WDFY4: variants seen among roughly 807,000 people sequenced by gnomAD.
The protein encoded by WDFY4 is WD repeat- and FYVE domain-containing protein 4.
In WDFY4, 169 loss-of-function variants were observed where a neutral mutation model predicts 351.9. The ratio of observed to expected loss-of-function variants is 0.48; its 90% CI spans 0.42 to 0.55. WDFY4 has a LOEUF of 0.55. Ranked by LOEUF, WDFY4 falls within the 20% of genes least tolerant of loss-of-function variation. The pLI is 0.00. For missense variants in WDFY4, 3,803 were observed against 3,935.6 expected (o/e 0.97, Z 0.90); for synonymous variants, 1,622 against 1,574.6 (o/e 1.03, Z -0.71).
At chr10:48,890,857 G>T (rs2070666792) in intron 44 of WDFY4, 130 bp downstream of exon 44, 3 of 1,325,796 alleles carry the variant, frequency 2.3e-6, no homozygotes, top group Non-Finnish European at 2.1e-6. Context: ...TGAGCCATGA[G>T]ATAAAACAGA....
chr10:48,901,718 C>T (rs1049634343), intron 46 of WDFY4, 83 bp from the exon 47 acceptor site: 11 of 1,447,688 alleles, frequency 7.6e-6, no homozygotes, highest in South Asian at 3.7e-5. Context: ...GCCTAGCTTC[C>T]TGCCTGACTC....
intron 49 of WDFY4, among the ~76,000 whole-genome samples, chr10:48,945,835 C>A (rs1009399959): frequency 6.6e-6 from 1 of 152,222 alleles, no homozygotes; most frequent in African/African-American, 2.4e-5. Flanking sequence ...TCTTCCCCTC[C>A]TCTTATTTTT....
At chr10:48,783,090 A>G (rs2066280954) in intron 19 of WDFY4, among the ~76,000 whole-genome samples, 1 of 152,124 alleles carries the variant, frequency 6.6e-6, no homozygotes, top group South Asian at 2.1e-4. Flanking sequence ...GAAAAAGAAT[A>G]TTTCTGAAAT....
chr10:48,748,412 G>A (rs1037216945), intron 12 of WDFY4, among the ~76,000 whole-genome samples: 7 of 152,054 alleles, frequency 4.6e-5, no homozygotes, highest in Non-Finnish European at 8.8e-5. Flanking sequence ...TTGAACCCAG[G>A]GCTACCTCCA....
intron 38 of WDFY4, among the ~76,000 whole-genome samples, chr10:48,831,675 A>G (rs1350994165): frequency 2.6e-5 from 4 of 152,212 alleles, no homozygotes; most frequent in African/African-American, 9.6e-5. Flanking sequence ...ATTTACAAAT[A>G]ATAGAAATTT....
At chr10:48,724,108 C>T (rs554844510) in intron 5 of WDFY4, among the ~76,000 whole-genome samples, 40 of 152,256 alleles carry the variant, frequency 2.6e-4, no homozygotes, top group Non-Finnish European at 4.3e-4. Flanking sequence ...TGCCCACTTC[C>T]GGGCAGTTTC....
chr10:48,709,001 A>G (rs1179123570), intron 1 of WDFY4, among the ~76,000 whole-genome samples: 2 of 137,114 alleles, frequency 1.5e-5, no homozygotes, highest in African/African-American at 5.7e-5. Context: ...AAAACAAACA[A>G]ACAACACCCC....
Position 48,713,465 on chromosome 10 carries a change from G to A in WDFY4, c.234+3499G>A, listed in dbSNP as rs1385826182. Among the ~76,000 whole-genome samples the A allele has an allele frequency of 2.6e-5, 4 of 152,260 alleles. 1 individual carries two copies. Among genetic ancestry groups the A allele is most frequent in the Non-Finnish European group, 5.9e-5 (4 of 68,050 alleles). Reference sequence around the variant, plus strand: ...TGAATCTGCAGTAACTGCTAGGCAAGTACAAAGGTGGGCTTGGTTTGTGGT... The same window carrying A: ...TGAATCTGCAGTAACTGCTAGGCAAATACAAAGGTGGGCTTGGTTTGTGGT... On this transcript the variant is annotated intron_variant, in intron 2 of 61. Coordinates refer to ENST00000325239, the MANE Select transcript of WDFY4 (RefSeq NM_001394531.1).
At chr10:48,904,998 G>A (rs1379796447) in intron 47 of WDFY4, among the ~76,000 whole-genome samples, 1 of 152,230 alleles carries the variant, frequency 6.6e-6, no homozygotes, top group African/African-American at 2.4e-5. Flanking sequence ...ATGGGCTGCA[G>A]ATGGTTTTCT....
chr10:48,863,075 C>A (rs911871975), intron 39 of WDFY4, among the ~76,000 whole-genome samples: 3 of 151,996 alleles, frequency 2.0e-5, no homozygotes, highest in African/African-American at 7.2e-5. Context: ...TATAGACAGA[C>A]CATATTTTGT....
intron 60 of WDFY4, 113 bp from the exon 61 acceptor site, chr10:48,981,254 C>A: frequency 1.2e-6 from 1 of 864,430 alleles, no homozygotes; most frequent in East Asian, 2.7e-5. Flanking sequence ...TAACAAGTTG[C>A]TGACCACAAA....
chr10:48,963,904 C>T lies in WDFY4; in HGVS notation c.8286C>T (p.Tyr2762=), dbSNP rs41283297. 45,866 of 1,551,446 alleles carry T rather than the reference C, an allele frequency of 0.03. 781 individuals carry two copies. The highest frequency in any genetic ancestry group is 0.055 in the Middle Eastern group (325 of 5,914). Residue 2762 remains tyrosine, a synonymous_variant, in exon 54 of 62, where the codon TAC becomes TAT. Coordinates refer to ENST00000325239, the MANE Select transcript of WDFY4 (RefSeq NM_001394531.1). The stretch of plus-strand genomic sequence containing the variant: ...ATTGGATAGACCTTATTTTTGGGTA[C>T]AAGCAGCAGGGGCCAGCCGCAGTGG... ...LHHWIDLIFG[Y]KQQGPAAVDA...
At chr10:48,948,096 A>G (rs1186147275) in intron 51 of WDFY4, among the ~76,000 whole-genome samples, 1 of 152,204 alleles carries the variant, frequency 6.6e-6, no homozygotes, top group Non-Finnish European at 1.5e-5. Flanking sequence ...GCCCTGGGGC[A>G]GGAATGGGTA....
chr10:48,881,917 C>T (rs1673479388), intron 43 of WDFY4, among the ~76,000 whole-genome samples: 1 of 152,232 alleles, frequency 6.6e-6, no homozygotes, highest in South Asian at 2.1e-4. Flanking sequence ...GATCCATCCC[C>T]TGGGCCTACC....
rs557396992 is a variant in WDFY4 at position 48,699,448 on chromosome 10, T to C, written c.-17-10268T>C. 4.6e-5 allele frequency among the ~76,000 whole-genome samples: 7 copies of C among 152,288 alleles called. No individual in the cohort carries two copies. In the South Asian group the frequency reaches 1.0e-3, roughly 23 times the overall value. On this transcript the variant is annotated intron_variant, in intron 1 of 61. Coordinates refer to ENST00000325239, the MANE Select transcript of WDFY4 (RefSeq NM_001394531.1). ...ATACATCACCGATGTGGGCAAGGACTTTCCCCACAGTGGAGAGTGGGGAGA... is the reference window on the plus strand; with the variant it reads ...ATACATCACCGATGTGGGCAAGGACCTTCCCCACAGTGGAGAGTGGGGAGA...
intron 40 of WDFY4, among the ~76,000 whole-genome samples, chr10:48,869,826 T>C (rs975642143): frequency 2.6e-5 from 4 of 152,206 alleles, no homozygotes; most frequent in Non-Finnish European, 1.5e-5. Context: ...CCCACTCTCT[T>C]CTAGGGCCTC....
At chr10:48,759,940 G>A (rs1367326913) in intron 12 of WDFY4, among the ~76,000 whole-genome samples, 1 of 152,154 alleles carries the variant, frequency 6.6e-6, no homozygotes, top group Non-Finnish European at 1.5e-5. Flanking sequence ...ACAGAGCTGA[G>A]TGTGCTTACA....
chr10:48,810,807 C>A lies in WDFY4; in HGVS notation c.5044+72C>A, dbSNP rs922029736. 6 of 1,400,740 alleles carry A rather than the reference C, an allele frequency of 4.3e-6. No individual in the cohort carries two copies. The Admixed American group carries it at 1.5e-4, about 35-fold the overall frequency. The allele number at this position is 1,400,740 out of a possible 1,614,324, so 86.8% of individuals were successfully genotyped here. On this transcript the variant is annotated intron_variant, in intron 29 of 61. Coordinates refer to ENST00000325239, the MANE Select transcript of WDFY4 (RefSeq NM_001394531.1). ...GGATGTGAATGAGGACCAAGCCAGG[C>A]CCCTTCTTATTTGAGACCATCACAG...
chr10:48,901,290 C>T (rs1589837356), intron 46 of WDFY4, among the ~76,000 whole-genome samples: 1 of 152,244 alleles, frequency 6.6e-6, no homozygotes, highest in East Asian at 1.9e-4. Context: ...AGCAGACATA[C>T]AACCCATTAA....
Sources: gnomAD v4.1 joint callset for allele counts (sites outside exome capture counted in the v4.1 genomes callset) on GRCh38, gnomAD v4.1.1 for gene constraint, MANE v1.5 for transcripts, NCBI Gene and HGNC (gene_info 2026-07-23, HGNC 2026-07-21) for gene names.